The following RAMP1 variants were observed in gnomAD, a reference collection of about 807,000 sequenced individuals.
RAMP1 encodes the protein receptor activity modifying protein 1, also known as receptor activity-modifying protein 1.
A neutral mutation model predicts 8.2 loss-of-function variants in RAMP1; 7 were observed. The ratio of observed to expected loss-of-function variants is 0.85; its 90% CI spans 0.49 to 1.60. The LOEUF (loss-of-function observed/expected upper bound fraction) is 1.60. Ranked by LOEUF, RAMP1 falls within the 40% of genes most tolerant of loss-of-function variation. The pLI is 0.00. For synonymous variants in RAMP1, 92 were observed against 84.7 expected (o/e 1.09, Z -0.47); for missense variants, 192 against 202.4 (o/e 0.95, Z 0.31).
At chr2:237,887,466 A>G (rs2062445705) in intron 2 of RAMP1, among the ~76,000 whole-genome samples, 1 of 152,004 alleles carries the variant, frequency 6.6e-6, no homozygotes, top group Admixed American at 6.5e-5. Context: ...GTCTGAGTCC[A>G]CTCTTGTTTC....
intron 2 of RAMP1, among the ~76,000 whole-genome samples, chr2:237,889,670 A>G (rs1275032535): frequency 6.6e-6 from 1 of 152,286 alleles, no homozygotes; most frequent in African/African-American, 2.4e-5. Context: ...AAAAGAACTT[A>G]AGAATCATGT....
At chr2:237,859,592 G>A (rs913184244), upstream of RAMP1, 22 of 1,055,798 alleles carry the variant, frequency 2.1e-5, no homozygotes, top group South Asian at 9.1e-5. Flanking sequence ...CCCCCGGCGC[G>A]TCTCCTCCGG....
At chr2:237,893,129 G>T (rs1439318150) in intron 2 of RAMP1, among the ~76,000 whole-genome samples, 1 of 152,198 alleles carries the variant, frequency 6.6e-6, no homozygotes, top group African/African-American at 2.4e-5. Flanking sequence ...TTTGCAACGT[G>T]AGTGACAGCT....
chr2:237,860,952 A>C (rs2062127916), intron 1 of RAMP1, among the ~76,000 whole-genome samples: 1 of 152,190 alleles, frequency 6.6e-6, no homozygotes, highest in South Asian at 2.1e-4. Flanking sequence ...GCCACTTTAG[A>C]GTTTTGGCTG....
chr2:237,899,346 C>T (rs1162098725), intron 2 of RAMP1, among the ~76,000 whole-genome samples: 1 of 152,236 alleles, frequency 6.6e-6, no homozygotes, highest in African/African-American at 2.4e-5. Context: ...GCTGAGATTA[C>T]AGGCGTGAGC....
intron 2 of RAMP1, among the ~76,000 whole-genome samples, chr2:237,883,333 G>A (rs892902037): frequency 3.3e-5 from 5 of 151,420 alleles, no homozygotes; most frequent in East Asian, 2.1e-4. Flanking sequence ...TATGAGCGAC[G>A]TAGACAAAGG....
chr2:237,859,658 T>G lies in RAMP1; in HGVS notation c.-18T>G. 6.8e-7 allele frequency: 1 copy of G among 1,462,818 alleles called. No homozygotes were observed. The highest frequency in any genetic ancestry group is 3.0e-5 in the East Asian group (1 of 33,046). The allele number at this position is 1,462,818 out of a possible 1,614,324, so 90.6% of individuals were successfully genotyped here. Reference sequence around the variant, plus strand: ...GGGGCGCGTGGCGAGCGGACTCGACTCGGCACCGCTGTGCACCATGGCCCG... The same window carrying G: ...GGGGCGCGTGGCGAGCGGACTCGACGCGGCACCGCTGTGCACCATGGCCCG... On this transcript the variant is annotated 5_prime_UTR_variant, in exon 1 of 3. Coordinates refer to ENST00000254661, the MANE Select transcript of RAMP1 (RefSeq NM_005855.4).
intron 2 of RAMP1, among the ~76,000 whole-genome samples, chr2:237,889,901 C>T (rs2062472142): frequency 6.6e-6 from 1 of 152,156 alleles, no homozygotes; most frequent in Non-Finnish European, 1.5e-5. Flanking sequence ...GCTGGGATTA[C>T]AGTTTGATGG....
chr2:237,910,325 A>G (rs2062697119), intron 2 of RAMP1, among the ~76,000 whole-genome samples: 1 of 151,798 alleles, frequency 6.6e-6, no homozygotes, highest in Non-Finnish European at 1.5e-5. Flanking sequence ...ACAGGGACAC[A>G]CATACAGAGA....
At chr2:237,897,753 CTTTTT>C (rs1198114415) in intron 2 of RAMP1, among the ~76,000 whole-genome samples, 1 of 135,854 alleles carries the variant, frequency 7.4e-6, no homozygotes, top group Non-Finnish European at 1.6e-5. Flanking sequence ...TGTCATTCTT[CTTTTT>C]TTGTTTGTTT....
At chr2:237,859,827 T>TGGGGGCGGGC in intron 1 of RAMP1, 100 bp downstream of exon 1, 1 of 929,184 alleles carries the variant, frequency 1.1e-6, no homozygotes, top group Non-Finnish European at 1.4e-6. Context: ...TGGGAGCGGG[T>TGGGGGCGGGC]GGGGGCGGGC....
chr2:237,885,166 A>G (rs1409114451), intron 2 of RAMP1, among the ~76,000 whole-genome samples: 1 of 152,208 alleles, frequency 6.6e-6, no homozygotes, highest in African/African-American at 2.4e-5. Flanking sequence ...CAGCAGCAAC[A>G]TGGGAACAGC....
intron 2 of RAMP1, among the ~76,000 whole-genome samples, chr2:237,885,729 CTG>C (rs1250919306): frequency 6.6e-6 from 1 of 152,244 alleles, no homozygotes; most frequent in Admixed American, 6.5e-5. Flanking sequence ...GTGCCCCTCT[CTG>C]TGTGTCTGCA....
intron 1 of RAMP1, among the ~76,000 whole-genome samples, chr2:237,867,298 C>A (rs2062197165): frequency 1.3e-5 from 2 of 151,902 alleles, no homozygotes; most frequent in South Asian, 4.2e-4. Context: ...CTAAGGTCTT[C>A]ATGTTGAGGA....
chr2:237,903,513 T>C (rs538319793), intron 2 of RAMP1, among the ~76,000 whole-genome samples: 1 of 151,226 alleles, frequency 6.6e-6, no homozygotes, highest in South Asian at 2.1e-4. Flanking sequence ...TTCACTAGCA[T>C]TCAGCATTAT....
intron 2 of RAMP1, among the ~76,000 whole-genome samples, chr2:237,901,403 C>G (rs1288520147): frequency 1.3e-5 from 2 of 152,238 alleles, no homozygotes; most frequent in Non-Finnish European, 2.9e-5. Context: ...AGGAAAACCC[C>G]ACTTTGCTGG....
At chr2:237,897,515 C>T (rs1422918734) in intron 2 of RAMP1, among the ~76,000 whole-genome samples, 2 of 152,200 alleles carry the variant, frequency 1.3e-5, no homozygotes, top group Admixed American at 6.5e-5. Flanking sequence ...TTCTTTGGTG[C>T]GTTATTCATG....
rs1449879618 is a variant in RAMP1 at position 237,883,818 on chromosome 2, AAAAAAAAAAAAAGAAAAGAAAAG to A, written c.191+6471_191+6493del. Among the ~76,000 whole-genome samples, 6 of 143,192 alleles carry A rather than the reference AAAAAAAAAAAAAGAAAAGAAAAG, an allele frequency of 4.2e-5. No individual in the cohort carries two copies. In the East Asian group the frequency reaches 1.2e-3, roughly 28 times the overall value. The allele number at this position is 143,192 out of a possible 152,430, so 93.9% of individuals were successfully genotyped here. On this transcript the variant is annotated intron_variant, in intron 2 of 2. Coordinates refer to ENST00000254661, the MANE Select transcript of RAMP1 (RefSeq NM_005855.4). ...GGTGATAGAACCAGACCCTACCTCA[AAAAAAAAAAAAAGAAAAGAAAAG>A]AAAAAAAAAAAAGAGGCTCCTCCTC...
At chr2:237,896,331 T>C (rs1295732201) in intron 2 of RAMP1, among the ~76,000 whole-genome samples, 3 of 152,158 alleles carry the variant, frequency 2.0e-5, no homozygotes, top group Admixed American at 2.0e-4. Flanking sequence ...CAGACCTGGC[T>C]GCACATGGAG....
Sources: allele counts gnomAD v4.1 joint callset (sites outside exome capture counted in the v4.1 genomes callset), GRCh38; gene constraint gnomAD v4.1.1; transcripts MANE v1.5; gene names NCBI Gene and HGNC (gene_info 2026-07-23, HGNC 2026-07-21).